SEMA5A: variants seen among roughly 807,000 people sequenced by gnomAD.
SEMA5A encodes the protein semaphorin-5A.
In SEMA5A, 55 loss-of-function variants were observed where a neutral mutation model predicts 135.5. The observed-to-expected ratio is 0.41, with a 90% CI of 0.33 to 0.51. The LOEUF (loss-of-function observed/expected upper bound fraction) is 0.51. SEMA5A is among the 20% of genes least tolerant of loss of function. The pLI, the probability that SEMA5A is intolerant of heterozygous loss-of-function variation, is 0.37. For missense variants in SEMA5A, 1,290 were observed against 1,419.9 expected (o/e 0.91, Z 1.47); for synonymous variants, 580 against 546.5 (o/e 1.06, Z -0.85).
At chr5:9,488,177 G>A (rs1212326749) in intron 1 of SEMA5A, among the ~76,000 whole-genome samples, 12 of 152,102 alleles carry the variant, frequency 7.9e-5, no homozygotes, top group Non-Finnish European at 1.5e-4. Context: ...TCTACTAAAC[G>A]CTTGCCTGTG....
chr5:9,429,893 TA>T (rs1757796137), intron 2 of SEMA5A, among the ~76,000 whole-genome samples: 1 of 152,112 alleles, frequency 6.6e-6, no homozygotes, highest in African/African-American at 2.4e-5. Flanking sequence ...TCCATCAGAA[TA>T]AGGCAGCAGC....
chr5:9,093,842 C>T (rs1739174336), intron 16 of SEMA5A, among the ~76,000 whole-genome samples: 1 of 152,232 alleles, frequency 6.6e-6, no homozygotes, highest in South Asian at 2.1e-4. Flanking sequence ...CCACAAGTGA[C>T]TGTGCTTCCA....
In SEMA5A at chr5:9,520,687, G is replaced by A. The variant is rs1257650703; in HGVS notation, c.-175+24897C>T. Among the ~76,000 whole-genome samples the A allele has an allele frequency of 3.9e-5, 6 of 152,158 alleles. No individual in the cohort carries two copies. In the East Asian group the frequency reaches 5.8e-4, roughly 15 times the overall value. On this transcript the variant is annotated intron_variant, in intron 1 of 22. Coordinates refer to ENST00000382496, the MANE Select transcript of SEMA5A (RefSeq NM_003966.3). ...TCATCCTTGATATCATGATGATGGCGCTTTATTTCTGTTTCCCTCCAGAAA... is the reference window on the plus strand; with the variant it reads ...TCATCCTTGATATCATGATGATGGCACTTTATTTCTGTTTCCCTCCAGAAA...
intron 1 of SEMA5A, among the ~76,000 whole-genome samples, chr5:9,466,979 C>T (rs1389929662): frequency 6.6e-6 from 1 of 152,232 alleles, no homozygotes; most frequent in Non-Finnish European, 1.5e-5. Flanking sequence ...TCTTAGTGAG[C>T]ATCAAAAGGC....
rs372299141 is a variant in SEMA5A at position 9,455,502 on chromosome 5, C to T, written c.-174-17650G>A. Reference sequence around the variant, plus strand: ...CAATCTCCTGACTTTGTGATCCGCCCGCCTCGGCCTCCCAAAGTGCTGGGA... The same window carrying T: ...CAATCTCCTGACTTTGTGATCCGCCTGCCTCGGCCTCCCAAAGTGCTGGGA... On this transcript the variant is annotated intron_variant, in intron 1 of 22. Transcript: ENST00000382496. 4.6e-5 allele frequency among the ~76,000 whole-genome samples: 7 copies of T among 151,980 alleles called. No homozygotes were observed. The South Asian group carries it at 1.0e-3, about 23-fold the overall frequency.
intron 5 of SEMA5A, among the ~76,000 whole-genome samples, chr5:9,248,521 A>G (rs1428727418): frequency 1.3e-5 from 2 of 151,022 alleles, no homozygotes; most frequent in Admixed American, 1.3e-4. Flanking sequence ...GATATCCATC[A>G]TCATCTCTGC....
chr5:9,543,312 A>G (rs954832990), intron 1 of SEMA5A, among the ~76,000 whole-genome samples: 2 of 152,194 alleles, frequency 1.3e-5, no homozygotes, highest in African/African-American at 2.4e-5. Flanking sequence ...ATGTGCTTGT[A>G]TTTATTTCGG....
intron 4 of SEMA5A, among the ~76,000 whole-genome samples, chr5:9,321,016 G>C (rs926168744): frequency 6.6e-6 from 1 of 152,106 alleles, no homozygotes; most frequent in Non-Finnish European, 1.5e-5. Context: ...ATGTGTCCAG[G>C]GAGGGGCCTA....
chr5:9,332,141 G>A (rs771113131), intron 4 of SEMA5A, among the ~76,000 whole-genome samples: 6 of 151,958 alleles, frequency 3.9e-5, no homozygotes, highest in Non-Finnish European at 7.4e-5. Flanking sequence ...CACTGGGTCA[G>A]GTGTGCAAAG....
rs1754224040 is a variant in SEMA5A at position 9,353,105 on chromosome 5, A to AGGAAAGGAAAGGAAAG, written c.125-15309_125-15294dup. On this transcript the variant is annotated intron_variant, in intron 3 of 22. Transcript: ENST00000382496. ...AAAGGAAAGGAAAGGAAGGAAGGAA[A>AGGAAAGGAAAGGAAAG]GGAAAGGAAAGGAAAGGAAAGGAAA... Among the ~76,000 whole-genome samples, 8 of 34,184 alleles carry AGGAAAGGAAAGGAAAG rather than the reference A, an allele frequency of 2.3e-4. 1 individual carries two copies. Among genetic ancestry groups the AGGAAAGGAAAGGAAAG allele is most frequent in the South Asian group, 1.0e-3 (1 of 956 alleles). The allele number at this position is 34,184 out of a possible 152,430, so 22.4% of individuals were successfully genotyped here.
chr5:9,102,811 T>C (rs1739702656), intron 16 of SEMA5A, among the ~76,000 whole-genome samples: 1 of 152,152 alleles, frequency 6.6e-6, no homozygotes, highest in Non-Finnish European at 1.5e-5. Context: ...AGAGCAGTAA[T>C]ATTAGGCAGA....
intron 1 of SEMA5A, among the ~76,000 whole-genome samples, chr5:9,451,988 G>A (rs757101382): frequency 2.6e-5 from 4 of 152,154 alleles, no homozygotes; most frequent in East Asian, 1.9e-4. Flanking sequence ...ATTGAAAGGC[G>A]TTAGCCCTAC....
intron 3 of SEMA5A, among the ~76,000 whole-genome samples, chr5:9,379,070 T>C (rs1023746136): frequency 1.3e-5 from 2 of 152,186 alleles, no homozygotes; most frequent in African/African-American, 4.8e-5. Context: ...CTTTCTTTTT[T>C]TGTGCTCCTT....
At chr5:9,457,277 A>G (rs1758874661) in intron 1 of SEMA5A, among the ~76,000 whole-genome samples, 1 of 152,216 alleles carries the variant, frequency 6.6e-6, no homozygotes, top group African/African-American at 2.4e-5. Context: ...AGAGGAGTAG[A>G]AATCGCACCA....
rs549440007 is a variant in SEMA5A, at chr5:9,305,330, C to A, written c.270+13042G>T. Among the ~76,000 whole-genome samples the A allele has an allele frequency of 8.5e-5, 13 of 152,120 alleles. No homozygotes were observed. In the South Asian group the frequency reaches 1.9e-3, roughly 22 times the overall value. ...GCCTTTTGAAATACACTGAATATTT[C>A]TTTTCTCCTTGTTTCATGGTAGTAA... On this transcript the variant is annotated intron_variant, in intron 5 of 22. Transcript: ENST00000382496.
At chr5:9,253,530 T>C (rs1748909861) in intron 5 of SEMA5A, among the ~76,000 whole-genome samples, 1 of 152,182 alleles carries the variant, frequency 6.6e-6, no homozygotes, top group Non-Finnish European at 1.5e-5. Context: ...TATATTTGCA[T>C]ATTCAAAGAC....
chr5:9,359,899 A>G (rs1358808268), intron 3 of SEMA5A, among the ~76,000 whole-genome samples: 1 of 152,230 alleles, frequency 6.6e-6, no homozygotes, highest in Non-Finnish European at 1.5e-5. Context: ...AACTGCAATG[A>G]TAAAATTATT....
At chr5:9,183,760 C>T (rs912089068) in intron 11 of SEMA5A, among the ~76,000 whole-genome samples, 2 of 152,236 alleles carry the variant, frequency 1.3e-5, no homozygotes, top group African/African-American at 2.4e-5. Context: ...CACTTGCCCT[C>T]TTTCCACAAC....
At chr5:9,345,559 G>C (rs1381976382) in intron 3 of SEMA5A, among the ~76,000 whole-genome samples, 1 of 148,982 alleles carries the variant, frequency 6.7e-6, no homozygotes, top group East Asian at 2.0e-4. Context: ...GTACCAGGCT[G>C]ACCACATTAT....
Sources: allele counts gnomAD v4.1 joint callset (sites outside exome capture counted in the v4.1 genomes callset), GRCh38; gene constraint gnomAD v4.1.1; transcripts MANE v1.5; gene names NCBI Gene and HGNC (gene_info 2026-07-23, HGNC 2026-07-21).